The following PHF2 variants were observed in gnomAD, a reference collection of about 807,000 sequenced individuals.
PHF2 encodes the protein lysine-specific demethylase PHF2.
PHF2 carries 27 observed loss-of-function variants against 120.5 expected under a neutral mutation model. That is an observed-to-expected ratio of 0.22 (90% CI 0.17 to 0.31). PHF2 has a LOEUF of 0.31. Ranked by LOEUF, PHF2 falls within the 10% of genes least tolerant of loss-of-function variation. The probability of loss-of-function intolerance (pLI) is 1.00; values close to 1 mark genes in which losing one functional copy is unlikely to be tolerated. For synonymous variants in PHF2, 568 were observed against 592.5 expected, an observed-to-expected ratio of 0.96 and a Z score of 0.60; for missense variants, 1,024 against 1,434.8, an observed-to-expected ratio of 0.71 and a Z score of 4.63.
At chr9:93,666,155 G>T (rs1564401067) in intron 16 of PHF2, 95 bp downstream of exon 16, 3 of 1,333,114 alleles carry the variant, frequency 2.3e-6, no homozygotes, top group Non-Finnish European at 3.2e-6. Context: ...GTCTCTGGGG[G>T]TGTTTCTGCA....
At chr9:93,646,525 G>T (rs1211166154) in intron 4 of PHF2, among the ~76,000 whole-genome samples, 1 of 152,350 alleles carries the variant, frequency 6.6e-6, no homozygotes, top group East Asian at 1.9e-4. Context: ...AGGACAGAAG[G>T]TGGGCAGGCA....
chr9:93,674,950 G>A lies in PHF2; in HGVS notation c.2650G>A (p.Glu884Lys). 1 of 1,613,900 alleles carries A rather than the reference G, an allele frequency of 6.2e-7. No homozygotes were observed. The highest frequency in any genetic ancestry group is 8.5e-7 in the Non-Finnish European group (1 of 1,179,926). The change falls in exon 19 of 22, where the codon GAA becomes AAA. Residue 884 changes from glutamate (E) to lysine (K), a missense_variant. Physicochemically the swap from Glu to Lys is moderately conservative, Grantham distance 56. This residue lies in a region of PHF2 where 677 missense variants were observed against 857.4 expected (regional missense o/e 0.79). Coordinates refer to ENST00000359246, the MANE Select transcript of PHF2 (RefSeq NM_005392.4). ...AGTTTACCCCTCACTGGAGTCAGAT[G>A]AAGACAACCCCATCTTTAAGTCCCG... ...DYVYPSLESD[E>K]DNPIFKSRSK... is the part of the protein sequence containing the mutation.
rs140535431 is a variant in PHF2 at position 93,675,472 on chromosome 9, C to G, written c.2723-208C>G. ...GTTGCTGGGCCTCCTGGGCTCTGCC[C>G]CATGCAAACCCCACTGTGGCATCTT... is the stretch of plus-strand genomic sequence containing the variant. On this transcript the variant is annotated intron_variant, in intron 19 of 21. Transcript: ENST00000359246. 4.3e-3 allele frequency among the ~76,000 whole-genome samples: 650 copies of G among 152,356 alleles called. 9 individuals are homozygous for G. The highest frequency in any genetic ancestry group is 0.014 in the African/African-American group (598 of 41,580).
At chr9:93,579,314 T>C (rs1343721634) in intron 1 of PHF2, among the ~76,000 whole-genome samples, 1 of 152,174 alleles carries the variant, frequency 6.6e-6, no homozygotes, top group African/African-American at 2.4e-5. Flanking sequence ...TTGAATACTT[T>C]TAAACTTTTT....
intron 1 of PHF2, among the ~76,000 whole-genome samples, chr9:93,599,097 A>C (rs1298691268): frequency 6.6e-6 from 1 of 151,924 alleles, no homozygotes; most frequent in African/African-American, 2.4e-5. Flanking sequence ...GTCCATCTCC[A>C]TGGGTGTGGC....
chr9:93,676,103 T>C (rs567491687), intron 20 of PHF2, among the ~76,000 whole-genome samples: 7 of 152,202 alleles, frequency 4.6e-5, no homozygotes, highest in African/African-American at 1.7e-4. Flanking sequence ...CCCCCCATCA[T>C]GTGGGTGTTT....
intron 1 of PHF2, among the ~76,000 whole-genome samples, chr9:93,619,663 G>A (rs931537812): frequency 7.2e-5 from 11 of 152,084 alleles, no homozygotes; most frequent in African/African-American, 2.7e-4. Flanking sequence ...ATACCTGCTG[G>A]TGGCACCCCG....
In PHF2 at chr9:93,660,227, T is replaced by C. The variant is rs1826536955; in HGVS notation, c.1365T>C (p.Thr455=). 1 of 1,591,228 alleles carries C rather than the reference T, an allele frequency of 6.3e-7. No homozygotes were observed. The highest frequency in any genetic ancestry group is 8.5e-7 in the Non-Finnish European group (1 of 1,172,144). The stretch of plus-strand genomic sequence containing the variant: ...AAGCCGTCCGACCGGAAGTGAATAC[T>C]GTCGCCTCGTCAGATGAGGTGTGTG... ...ASKAVRPEVN[T]VASSDEVCDG... Residue 455 remains threonine, a synonymous_variant, in exon 12 of 22, where the codon ACT becomes ACC. Coordinates refer to ENST00000359246, the MANE Select transcript of PHF2 (RefSeq NM_005392.4).
chr9:93,659,480 G>C, intron 10 of PHF2, 31 bp from the exon 11 acceptor site: 3 of 1,591,546 alleles, frequency 1.9e-6, no homozygotes, highest in Non-Finnish European at 2.6e-6. Context: ...GGAGGTGTCT[G>C]GTGCTGACCC....
intron 4 of PHF2, among the ~76,000 whole-genome samples, chr9:93,646,195 C>T (rs959573924): frequency 2.0e-5 from 3 of 152,236 alleles, no homozygotes; most frequent in African/African-American, 4.8e-5. Flanking sequence ...CCTGCCCCCA[C>T]GGCACCAGAA....
At chr9:93,612,299 T>A (rs1825649956) in intron 1 of PHF2, among the ~76,000 whole-genome samples, 1 of 148,560 alleles carries the variant, frequency 6.7e-6, no homozygotes, top group Non-Finnish European at 1.5e-5. Flanking sequence ...TACCAACAGC[T>A]CCTACCCAAG....
intron 5 of PHF2, among the ~76,000 whole-genome samples, chr9:93,652,840 CCA>C (rs1163133784): frequency 6.6e-6 from 1 of 152,180 alleles, no homozygotes; most frequent in Non-Finnish European, 1.5e-5. Context: ...GCCCAGTGTG[CCA>C]CAGCACATGG....
At chr9:93,611,156 C>T (rs1825626904) in intron 1 of PHF2, among the ~76,000 whole-genome samples, 1 of 152,106 alleles carries the variant, frequency 6.6e-6, no homozygotes, top group Non-Finnish European at 1.5e-5. Flanking sequence ...GGCTCAACGC[C>T]TGTAATCCCA....
chr9:93,626,433 C>G (rs1468511651), intron 1 of PHF2, among the ~76,000 whole-genome samples: 1 of 152,104 alleles, frequency 6.6e-6, no homozygotes, highest in African/African-American at 2.4e-5. Context: ...GATTGTTTGT[C>G]TTTTTATTGT....
chr9:93,676,998 C>G, intron 21 of PHF2, 35 bp downstream of exon 21: 1 of 1,479,546 alleles, frequency 6.8e-7, no homozygotes, highest in Non-Finnish European at 9.0e-7. Flanking sequence ...TGCAGCCCCC[C>G]TGCCCTGCCT....
intron 1 of PHF2, among the ~76,000 whole-genome samples, chr9:93,609,007 C>T (rs1213225846): frequency 2.0e-5 from 3 of 148,832 alleles, no homozygotes; most frequent in African/African-American, 4.9e-5. Flanking sequence ...TTTATGCCTT[C>T]TCTGGCTTTA....
chr9:93,660,369 T>G lies in PHF2; in HGVS notation c.1507T>G (p.Ser503Ala). The change falls in exon 12 of 22, where the codon TCC (serine) becomes GCC (alanine). Residue 503 changes from serine (S) to alanine (A), a missense_variant. Transcript: ENST00000359246. ...TPKTVKMPKP[S>A]KIPKPPKPPK... is the part of the protein sequence containing the mutation. ...CAAAACTGTGAAGATGCCCAAGCCA[T>G]CCAAAATCCCCAAGCCCCCGAAGCC... 6.3e-7 allele frequency: 1 copy of G among 1,579,442 alleles called. No individual in the cohort carries two copies. Among genetic ancestry groups the G allele is most frequent in the Non-Finnish European group, 8.6e-7 (1 of 1,162,610 alleles).
intron 4 of PHF2, among the ~76,000 whole-genome samples, chr9:93,646,990 G>A (rs1410496637): frequency 6.6e-6 from 1 of 152,222 alleles, no homozygotes; most frequent in Non-Finnish European, 1.5e-5. Context: ...ATCCTGCCCT[G>A]AGCCGGGATC....
At chr9:93,653,090 G>A (rs375657739) in intron 5 of PHF2, 89 bp from the exon 6 acceptor site, 14 of 1,237,378 alleles carry the variant, frequency 1.1e-5, no homozygotes, top group African/African-American at 8.9e-5. Context: ...GAGAGCGTGG[G>A]ACATGCCTCA....
Sources: allele counts gnomAD v4.1 joint callset (sites outside exome capture counted in the v4.1 genomes callset), GRCh38; gene constraint gnomAD v4.1.1; regional missense constraint gnomAD v4.1.1; transcripts MANE v1.5; gene names NCBI Gene and HGNC (gene_info 2026-07-23, HGNC 2026-07-21).